The following COG5 variants were observed in gnomAD, a reference collection of about 807,000 sequenced individuals.
The protein encoded by COG5 is conserved oligomeric Golgi complex subunit 5.
Under a neutral mutation model 110.4 loss-of-function variants are expected in COG5, and 86 were observed. The ratio of observed to expected loss-of-function variants is 0.78; its 90% CI spans 0.65 to 0.93. The LOEUF (loss-of-function observed/expected upper bound fraction) is 0.93, where lower values mean the gene tolerates loss of function less well. Ranked by LOEUF, COG5 falls within the 40% of genes least tolerant of loss-of-function variation. COG5 has a pLI of 0.00. For synonymous variants in COG5, 360 were observed against 334.6 expected, an observed-to-expected ratio of 1.08 and a Z score of -0.83; for missense variants, 1,077 against 987.0, an observed-to-expected ratio of 1.09 and a Z score of -1.22.
intron 10 of COG5, among the ~76,000 whole-genome samples, chr7:107,352,105 T>C (rs1313573278): frequency 1.4e-5 from 2 of 147,400 alleles, no homozygotes; most frequent in African/African-American, 4.9e-5. Flanking sequence ...GTGGCACATA[T>C]ATACCATGGA....
At chr7:107,458,317 A>T (rs1303977070) in intron 6 of COG5, among the ~76,000 whole-genome samples, 1 of 152,240 alleles carries the variant, frequency 6.6e-6, no homozygotes, top group African/African-American at 2.4e-5. Flanking sequence ...GCCATTGTAA[A>T]TATGCGGATA....
chr7:107,435,444 G>A (rs970943814), intron 6 of COG5, among the ~76,000 whole-genome samples: 1 of 152,116 alleles, frequency 6.6e-6, no homozygotes, highest in African/African-American at 2.4e-5. Flanking sequence ...CTTGAGGTCA[G>A]GAATTTGAGA....
At chr7:107,309,002 T>A (rs1360359744) in intron 11 of COG5, among the ~76,000 whole-genome samples, 1 of 152,078 alleles carries the variant, frequency 6.6e-6, no homozygotes, top group African/African-American at 2.4e-5. Flanking sequence ...CATGGAATTA[T>A]GGTTTTTTAA....
intron 5 of COG5, among the ~76,000 whole-genome samples, chr7:107,546,038 G>A (rs548696260): frequency 6.6e-6 from 1 of 151,790 alleles, no homozygotes; most frequent in East Asian, 1.9e-4. Context: ...CAACCACAAT[G>A]GTATTAAACT....
chr7:107,475,277 T>C (rs1403046929), intron 6 of COG5: 6 of 1,601,046 alleles, frequency 3.7e-6, no homozygotes, highest in Non-Finnish European at 5.1e-6. Context: ...AACTCTTGGA[T>C]AGATCCTAAA....
In COG5 at chr7:107,233,285, T is replaced by C. The variant is rs1800912438; in HGVS notation, c.2092-2594A>G. On this transcript the variant is annotated intron_variant, in intron 18 of 21. Coordinates refer to ENST00000297135, the MANE Select transcript of COG5 (RefSeq NM_006348.5). ...CAGAATCAGCAGAACCCCAGTGTCG[T>C]GGACAGGCTTAGTGATTTCAGAACT... Among the ~76,000 whole-genome samples, 3 of 152,218 alleles carry C rather than the reference T, an allele frequency of 2.0e-5. No homozygotes were observed. The South Asian group carries it at 6.2e-4, about 31-fold the overall frequency.
chr7:107,455,663 C>T (rs1795618949), intron 6 of COG5, among the ~76,000 whole-genome samples: 1 of 151,998 alleles, frequency 6.6e-6, no homozygotes, highest in African/African-American at 2.4e-5. Context: ...GAGAGAGAGA[C>T]AGAGAAATGA....
At chr7:107,417,771 C>A (rs1316120901) in intron 6 of COG5, among the ~76,000 whole-genome samples, 2 of 151,732 alleles carry the variant, frequency 1.3e-5, no homozygotes, top group East Asian at 3.8e-4. Flanking sequence ...ATAGTCTAAT[C>A]TAAGTTATGA....
At chr7:107,428,011 T>G (rs1009472421) in intron 6 of COG5, among the ~76,000 whole-genome samples, 1 of 151,816 alleles carries the variant, frequency 6.6e-6, no homozygotes, top group African/African-American at 2.4e-5. Flanking sequence ...TTTGTGAGTA[T>G]GCAAAAAAGA....
At chr7:107,303,981 C>A (rs1372857332) in intron 11 of COG5, among the ~76,000 whole-genome samples, 1 of 151,954 alleles carries the variant, frequency 6.6e-6, no homozygotes, top group Non-Finnish European at 1.5e-5. Context: ...AACACAGGCA[C>A]AAATGTGGAA....
intron 6 of COG5, among the ~76,000 whole-genome samples, chr7:107,431,215 A>G (rs1242739121): frequency 1.3e-5 from 2 of 152,224 alleles, no homozygotes; most frequent in African/African-American, 4.8e-5. Flanking sequence ...GAACTAATAC[A>G]CCCAATACAT....
At chr7:107,279,778 A>C (rs937991639) in intron 14 of COG5, among the ~76,000 whole-genome samples, 1 of 152,298 alleles carries the variant, frequency 6.6e-6, no homozygotes, top group African/African-American at 2.4e-5. Context: ...CCAATTAAAA[A>C]CCAAAAAATG....
At chr7:107,454,109 A>C (rs1795518154) in intron 6 of COG5, among the ~76,000 whole-genome samples, 1 of 152,176 alleles carries the variant, frequency 6.6e-6, no homozygotes. Context: ...TTAAGACACA[A>C]GCAGTTGCCT....
At position 107,369,285 on chromosome 7, in the gene COG5, T is replaced by C. The variant is rs918387894; in HGVS notation, c.835+3310A>G. ...TTTGACCATTATCTATACTGGGAAA[T>C]TTGTTAATTTAAATGCTGTGTATTA... On this transcript the variant is annotated intron_variant, in intron 8 of 21. Coordinates refer to ENST00000297135, the MANE Select transcript of COG5 (RefSeq NM_006348.5). Among the ~76,000 whole-genome samples the C allele has an allele frequency of 2.0e-5, 3 of 152,274 alleles. No homozygotes were observed. In the East Asian group the frequency reaches 5.8e-4, roughly 29 times the overall value.
At chr7:107,292,633 T>C (rs915024296) in intron 12 of COG5, among the ~76,000 whole-genome samples, 4 of 152,190 alleles carry the variant, frequency 2.6e-5, no homozygotes, top group East Asian at 3.9e-4. Context: ...AGGACCCGTT[T>C]AGGATTTAAA....
At chr7:107,506,069 A>G (rs1798973667) in intron 6 of COG5, among the ~76,000 whole-genome samples, 1 of 152,202 alleles carries the variant, frequency 6.6e-6, no homozygotes, top group African/African-American at 2.4e-5. Flanking sequence ...AGTAGTAATG[A>G]AAAGGTTATG....
chr7:107,548,452 A>C, intron 3 of COG5, 120 bp from the exon 4 acceptor site: 1 of 910,136 alleles, frequency 1.1e-6, no homozygotes, highest in Non-Finnish European at 1.8e-6. Flanking sequence ...CACCATCCTA[A>C]TCCAAGCAAC....
intron 6 of COG5, among the ~76,000 whole-genome samples, chr7:107,466,578 T>A (rs1003091395): frequency 6.6e-6 from 1 of 152,184 alleles, no homozygotes; most frequent in African/African-American, 2.4e-5. Flanking sequence ...GAATCACCAA[T>A]GTTGTTGATT....
chr7:107,476,103 T>G (rs1796961226), intron 6 of COG5, among the ~76,000 whole-genome samples: 2 of 146,600 alleles, frequency 1.4e-5, no homozygotes, highest in African/African-American at 2.5e-5. Flanking sequence ...GGAAGAATAC[T>G]AAAACACCAG....
Sources: gnomAD v4.1 joint callset for allele counts (sites outside exome capture counted in the v4.1 genomes callset) on GRCh38, gnomAD v4.1.1 for gene constraint, MANE v1.5 for transcripts, NCBI Gene and HGNC (gene_info 2026-07-23, HGNC 2026-07-21) for gene names.